The following PDS5B variants were observed in gnomAD, a reference collection of about 807,000 sequenced individuals.
PDS5B encodes the protein sister chromatid cohesion protein PDS5 homolog B.
A neutral mutation model predicts 184.1 loss-of-function variants in PDS5B; 51 were observed. The ratio of observed to expected loss-of-function variants is 0.28; its 90% CI spans 0.22 to 0.35. The LOEUF (loss-of-function observed/expected upper bound fraction) is 0.35, where lower values mean the gene tolerates loss of function less well. Ranked by LOEUF, PDS5B falls within the 10% of genes least tolerant of loss-of-function variation. The pLI is 1.00. For missense variants in PDS5B, 1,180 were observed against 1,723.3 expected (o/e 0.68, Z 5.58); for synonymous variants, 566 against 569.2 (o/e 0.99, Z 0.08).
chr13:32,665,598 A>AC (rs1387399144), intron 6 of PDS5B, among the ~76,000 whole-genome samples: 140 of 149,700 alleles, frequency 9.4e-4, no homozygotes, highest in African/African-American at 3.3e-3. Context: ...CAAAAAAAAA[A>AC]AAAAAAAAAA....
intron 1 of PDS5B, among the ~76,000 whole-genome samples, chr13:32,601,982 G>A (rs1425962973): frequency 6.6e-6 from 1 of 152,130 alleles, no homozygotes; most frequent in Non-Finnish European, 1.5e-5. Flanking sequence ...TTGTTTTAAT[G>A]TAAATGTAAC....
intron 18 of PDS5B, among the ~76,000 whole-genome samples, chr13:32,708,272 A>T (rs1952089136): frequency 6.6e-6 from 1 of 152,164 alleles, no homozygotes. Context: ...CTGCCCTATC[A>T]CTGGCTTGCC....
chr13:32,732,044 G>A, intron 19 of PDS5B, 57 bp from the exon 20 acceptor site: 1 of 1,419,074 alleles, frequency 7.0e-7, no homozygotes, highest in East Asian at 2.3e-5. Flanking sequence ...AAAGTATCTA[G>A]CAGAAGTCTT....
chr13:32,748,052 G>A (rs530879329), intron 24 of PDS5B, among the ~76,000 whole-genome samples: 1 of 152,266 alleles, frequency 6.6e-6, no homozygotes, highest in East Asian at 1.9e-4. Context: ...CTTTAAGATT[G>A]CTTTGGAATT....
rs780813609 is a variant in PDS5B at position 32,775,084 on chromosome 13, G to A, written c.*32G>A. On this transcript the variant is annotated 3_prime_UTR_variant, in exon 35 of 35. Transcript: ENST00000315596. Reference sequence around the variant, plus strand: ...GTAATTAATAACTTTCTCTGTGAAAGCTTTGGAAAAATCTTTTTTTTTTTT... The same window carrying A: ...GTAATTAATAACTTTCTCTGTGAAAACTTTGGAAAAATCTTTTTTTTTTTT... 24 of 1,070,104 alleles carry A rather than the reference G, an allele frequency of 2.2e-5. No homozygotes were observed. Among genetic ancestry groups the A allele is most frequent in the Non-Finnish European group, 3.0e-5 (22 of 737,936 alleles). 66.3% of individuals were successfully genotyped at this position (1,070,104 alleles called of 1,614,324 possible).
chr13:32,595,528 T>C (rs2057851337), intron 1 of PDS5B, among the ~76,000 whole-genome samples: 1 of 152,258 alleles, frequency 6.6e-6, no homozygotes, highest in Non-Finnish European at 1.5e-5. Context: ...AAACAAATAG[T>C]AACACATAGC....
In PDS5B at chr13:32,770,101, T is replaced by G; in HGVS notation, c.3625-20T>G. 6.5e-7 allele frequency: 1 copy of G among 1,541,174 alleles called. No individual in the cohort carries two copies. The highest frequency in any genetic ancestry group is 8.7e-7 in the Non-Finnish European group (1 of 1,147,450). ...CTCACAATTTCATAACCATAAATTG[T>G]GATTTTTTTTTTCCCCTAGTCTGAA... On this transcript the variant is annotated intron_variant, in intron 31 of 34. Coordinates refer to ENST00000315596, the MANE Select transcript of PDS5B (RefSeq NM_015032.4).
At chr13:32,640,911 GC>G (rs2058650924) in intron 1 of PDS5B, among the ~76,000 whole-genome samples, 1 of 151,880 alleles carries the variant, frequency 6.6e-6, no homozygotes, top group Non-Finnish European at 1.5e-5. Flanking sequence ...CAAAAAATTA[GC>G]CAGGCGTGGT....
chr13:32,728,568 C>G (rs1952990933), intron 19 of PDS5B, among the ~76,000 whole-genome samples: 1 of 152,176 alleles, frequency 6.6e-6, no homozygotes. Flanking sequence ...GTATTGTGCT[C>G]TAGAAATCAG....
chr13:32,721,179 G>T (rs544786232), intron 19 of PDS5B, among the ~76,000 whole-genome samples: 2 of 152,306 alleles, frequency 1.3e-5, no homozygotes, highest in South Asian at 4.1e-4. Context: ...ACGGCGTGGT[G>T]GCTGGGCAGA....
At chr13:32,621,287 A>G (rs2058297686) in intron 1 of PDS5B, among the ~76,000 whole-genome samples, 1 of 152,120 alleles carries the variant, frequency 6.6e-6, no homozygotes, top group Admixed American at 6.6e-5. Flanking sequence ...AATATGGCAA[A>G]ATTTTGTCCC....
At chr13:32,708,086 GC>G (rs10708466) in intron 18 of PDS5B, among the ~76,000 whole-genome samples, 152,219 of 152,220 alleles carry the variant, frequency 1, 76,109 homozygotes, top group Middle Eastern at 1. Context: ...TGCATAAACT[GC>G]CCCCTTAGTC....
chr13:32,611,410 A>G (rs537682225), intron 1 of PDS5B, among the ~76,000 whole-genome samples: 3 of 151,850 alleles, frequency 2.0e-5, no homozygotes, highest in African/African-American at 4.8e-5. Flanking sequence ...TGGTCTCCCA[A>G]TTCCAGTCTT....
Position 32,687,230 on chromosome 13 carries a change from G to A in PDS5B, c.1300G>A (p.Ala434Thr). 6.2e-7 allele frequency: 1 copy of A among 1,606,758 alleles called. No homozygotes were observed. Among genetic ancestry groups the A allele is most frequent in the Non-Finnish European group, 8.5e-7 (1 of 1,176,942 alleles). Residue 434 changes from alanine to threonine, a missense_variant, in exon 12 of 35, where the codon GCA becomes ACA. This residue lies in a region of PDS5B where 475 missense variants were observed against 691.5 expected (regional missense o/e 0.69). Transcript: ENST00000315596. ...TGGAAAAGATGCTGCAAAACAGATA[G>A]CATGGATCAAAGACAAATTGCTACA... ...AAGKDAAKQIAWIKDKLLHIY... is the reference protein window; with the variant it reads ...AAGKDAAKQITWIKDKLLHIY...
intron 19 of PDS5B, among the ~76,000 whole-genome samples, chr13:32,728,298 C>G (rs1008681065): frequency 1.3e-5 from 2 of 151,858 alleles, no homozygotes; most frequent in African/African-American, 4.8e-5. Context: ...ATTTTTGGGT[C>G]TGTTTCTATT....
rs779596820 is a variant in PDS5B, at chr13:32,678,935, A to G, written c.1057+6A>G. 7.6e-6 allele frequency: 11 copies of G among 1,440,640 alleles called. No individual in the cohort carries two copies. In the African/African-American group the frequency reaches 1.1e-4, roughly 15 times the overall value. The allele number at this position is 1,440,640 out of a possible 1,614,324, so 89.2% of individuals were successfully genotyped here. A position where few individuals can be genotyped will look rare whatever the true frequency, so the allele number is the denominator to read the frequency against. On this transcript the variant is annotated splice_donor_region_variant and intron_variant, in intron 10 of 34. Transcript: ENST00000315596. Reference sequence around the variant, plus strand: ...TTTAGCAAAAGACTTAACAGGTACTATATATATGTAACAGCAAATATTCTT... The same window carrying G: ...TTTAGCAAAAGACTTAACAGGTACTGTATATATGTAACAGCAAATATTCTT...
chr13:32,772,063 CT>C (rs1458501694), intron 33 of PDS5B, among the ~76,000 whole-genome samples: 6 of 151,768 alleles, frequency 4.0e-5, no homozygotes, highest in Non-Finnish European at 8.8e-5. Context: ...GGATTTGTTT[CT>C]TTTTCTTGTT....
chr13:32,740,364 C>T (rs1953495485), intron 21 of PDS5B, among the ~76,000 whole-genome samples: 3 of 152,154 alleles, frequency 2.0e-5, no homozygotes, highest in South Asian at 2.1e-4. Context: ...TTTGAAGGCA[C>T]TTCTCAATGG....
intron 8 of PDS5B, among the ~76,000 whole-genome samples, chr13:32,674,235 G>A (rs1951009987): frequency 6.6e-6 from 1 of 152,070 alleles, no homozygotes. Flanking sequence ...AAGTAAAGCT[G>A]GTTATAATTA....
Sources: allele counts gnomAD v4.1 joint callset (sites outside exome capture counted in the v4.1 genomes callset), GRCh38; gene constraint gnomAD v4.1.1; regional missense constraint gnomAD v4.1.1; transcripts MANE v1.5; gene names NCBI Gene and HGNC (gene_info 2026-07-23, HGNC 2026-07-21).